The following PRKDC variants were observed in gnomAD, a reference collection of about 807,000 sequenced individuals.
PRKDC encodes the protein protein kinase, DNA-activated, catalytic subunit.
PRKDC carries 82 observed loss-of-function variants against 486.9 expected under a neutral mutation model. That is an observed-to-expected ratio of 0.17 (90% CI 0.14 to 0.20). PRKDC has a LOEUF of 0.20. PRKDC is among the 10% of genes least tolerant of loss of function. The pLI, the probability that PRKDC is intolerant of heterozygous loss-of-function variation, is 1.00. For missense variants in PRKDC, 4,504 were observed against 5,038.2 expected (o/e 0.89, Z 3.21); for synonymous variants, 1,895 against 1,837.0 (o/e 1.03, Z -0.81).
chr8:47,893,812 A>G (rs892729878), intron 30 of PRKDC, among the ~76,000 whole-genome samples: 2 of 152,230 alleles, frequency 1.3e-5, no homozygotes, highest in Admixed American at 1.3e-4. Flanking sequence ...AAATAAGAGA[A>G]TCGAATGAGC....
intron 85 of PRKDC, among the ~76,000 whole-genome samples, chr8:47,775,098 G>C (rs913163525): frequency 2.0e-5 from 3 of 151,184 alleles, no homozygotes; most frequent in Non-Finnish European, 4.4e-5. Context: ...CGGACAGGAG[G>C]ATCGCTTGAA....
chr8:47,831,587 C>G (rs1039906088), intron 60 of PRKDC, among the ~76,000 whole-genome samples: 14 of 152,198 alleles, frequency 9.2e-5, no homozygotes, highest in South Asian at 2.1e-4. Flanking sequence ...CCAGGCCGGC[C>G]ACACTTCCAC....
intron 40 of PRKDC, among the ~76,000 whole-genome samples, chr8:47,869,822 C>G (rs572308300): frequency 6.6e-6 from 1 of 152,214 alleles, no homozygotes; most frequent in South Asian, 2.1e-4. Context: ...GGGAGAAACT[C>G]AGGACTGGCA....
intron 22 of PRKDC, among the ~76,000 whole-genome samples, chr8:47,916,595 G>GA (rs1213284938): frequency 1.3e-5 from 2 of 152,150 alleles, no homozygotes; most frequent in Non-Finnish European, 2.9e-5. Context: ...TCATTTTAGA[G>GA]AAAATGTCTG....
intron 10 of PRKDC, among the ~76,000 whole-genome samples, chr8:47,941,046 C>G (rs1268975385): frequency 6.6e-6 from 1 of 151,386 alleles, no homozygotes; most frequent in Non-Finnish European, 1.5e-5. Context: ...ACGAGAATTG[C>G]TTAAACGCAG....
At chr8:47,834,418 G>T in intron 58 of PRKDC, 22 bp from the exon 59 acceptor site, 12 of 1,610,584 alleles carry the variant, frequency 7.5e-6, no homozygotes, top group Non-Finnish European at 1.0e-5. Context: ...AATCAGAGAG[G>T]TCAGGCACTC....
intron 17 of PRKDC, among the ~76,000 whole-genome samples, chr8:47,930,259 G>A (rs564778026): frequency 5.3e-5 from 8 of 152,244 alleles, no homozygotes; most frequent in Middle Eastern, 3.4e-3. Flanking sequence ...TACAGATTTT[G>A]TCTTTTATTA....
At chr8:47,925,478 A>G (rs2090142730) in intron 21 of PRKDC, among the ~76,000 whole-genome samples, 1 of 152,236 alleles carries the variant, frequency 6.6e-6, no homozygotes, top group South Asian at 2.1e-4. Context: ...ACATTAAAGA[A>G]AGCTAAAGAG....
intron 26 of PRKDC, among the ~76,000 whole-genome samples, chr8:47,904,301 C>A (rs1203848545): frequency 6.6e-6 from 1 of 152,174 alleles, no homozygotes; most frequent in Non-Finnish European, 1.5e-5. Context: ...GTCGCCCAGA[C>A]TGGAGTGCAG....
chr8:47,781,347 G>C (rs1481818853), intron 80 of PRKDC, among the ~76,000 whole-genome samples: 1 of 152,194 alleles, frequency 6.6e-6, no homozygotes, highest in East Asian at 1.9e-4. Flanking sequence ...ATTATCACCT[G>C]GGAATATGAG....
chr8:47,819,276 G>A, intron 67 of PRKDC, 126 bp downstream of exon 67: 1 of 583,214 alleles, frequency 1.7e-6, no homozygotes, highest in South Asian at 2.7e-5. Context: ...ATTTGTAGAG[G>A]AAATTCGATG....
At chr8:47,933,879 T>C (rs2090300840) in intron 15 of PRKDC, 86 bp downstream of exon 15, 4 of 1,360,664 alleles carry the variant, frequency 2.9e-6, no homozygotes, top group Non-Finnish European at 2.9e-6. Context: ...TAGTAAAATA[T>C]AATTCTGAAA....
intron 52 of PRKDC, among the ~76,000 whole-genome samples, chr8:47,850,811 T>G (rs540895450): frequency 3.1e-4 from 47 of 152,278 alleles, no homozygotes; most frequent in African/African-American, 1.1e-3. Context: ...TCTTACTGAC[T>G]TCTTTTTATT....
At position 47,890,353 on chromosome 8, in the gene PRKDC, T is replaced by C. The variant is rs202041054; in HGVS notation, c.3975A>G (p.Gln1325=). 2.4e-5 allele frequency: 38 copies of C among 1,613,536 alleles called. No homozygotes were observed. The African/African-American group carries it at 3.7e-4, about 16-fold the overall frequency. The change falls in exon 32 of 86, where the codon CAA becomes CAG. Residue 1325 remains glutamine (Q), a synonymous_variant. Coordinates refer to ENST00000314191, the MANE Select transcript of PRKDC (RefSeq NM_006904.7). ...TGAAGNRTSP[Q]EGERYNYSKC... ...TGCTGTAGTTGTACCTTTCTCCCTC[T>C]TGTGGGCTTGTTCTGTTACCTGCTG...
At chr8:47,933,829 T>A in intron 15 of PRKDC, 136 bp downstream of exon 15, 1 of 962,870 alleles carries the variant, frequency 1.0e-6, no homozygotes, top group Non-Finnish European at 1.4e-6. Context: ...CGGTTTTAAT[T>A]TTTTATTTTT....
In PRKDC at chr8:47,860,966, A is replaced by G. The variant is rs1276269785; in HGVS notation, c.5991T>C (p.Pro1997=). 5 of 1,595,000 alleles carry G rather than the reference A, an allele frequency of 3.1e-6. No individual in the cohort carries two copies. The highest frequency in any genetic ancestry group is 3.4e-5 in the Admixed American group (2 of 58,230). Residue 1997 remains proline (P), a synonymous_variant, in exon 45 of 86, where the codon CCT becomes CCC. Coordinates refer to ENST00000314191, the MANE Select transcript of PRKDC (RefSeq NM_006904.7). ...CAATGTACTTTTTCTTTCTTTCCAT[A>G]GGAACCTATTGGGAAGAACAAATAA... ...RYNFPVEVEV[P]MERKKKYIEI... is the part of the protein sequence containing the mutation.
intron 21 of PRKDC, chr8:47,926,780 C>T (rs949622566): frequency 6.5e-6 from 1 of 153,038 alleles, no homozygotes; most frequent in African/African-American, 2.4e-5. Context: ...TGTGCTTCAC[C>T]AGTTATGTTT....
At chr8:47,853,845 T>A (rs372808380) in intron 51 of PRKDC, among the ~76,000 whole-genome samples, 2 of 152,218 alleles carry the variant, frequency 1.3e-5, no homozygotes, top group Admixed American at 6.5e-5. Context: ...AGAATTTTTT[T>A]GGTATAGATG....
intron 9 of PRKDC, 101 bp downstream of exon 9, chr8:47,943,752 T>C (rs2090484191): frequency 9.8e-7 from 1 of 1,025,372 alleles, no homozygotes; most frequent in Non-Finnish European, 1.4e-6. Context: ...ACATCACAGA[T>C]GTTATCACAT....
Sources: allele counts gnomAD v4.1 joint callset (sites outside exome capture counted in the v4.1 genomes callset), GRCh38; gene constraint gnomAD v4.1.1; transcripts MANE v1.5; gene names NCBI Gene and HGNC (gene_info 2026-07-23, HGNC 2026-07-21).